Variants in NTRK3 observed in about 807,000 individuals in gnomAD.
NTRK3 encodes neurotrophic receptor tyrosine kinase 3.
In NTRK3, 24 loss-of-function variants were observed where a neutral mutation model predicts 91.7. The ratio of observed to expected loss-of-function variants is 0.26; its 90% CI spans 0.19 to 0.37. NTRK3 has a LOEUF of 0.37. NTRK3 is among the 10% of genes least tolerant of loss of function. The pLI, the probability that NTRK3 is intolerant of heterozygous loss-of-function variation, is 1.00. For synonymous variants in NTRK3, 483 were observed against 404.0 expected (o/e 1.20, Z -2.34); for missense variants, 880 against 1,068.9 (o/e 0.82, Z 2.46).
intron 3 of NTRK3, among the ~76,000 whole-genome samples, chr15:88,208,613 C>A (rs1037617587): frequency 6.6e-6 from 1 of 152,144 alleles, no homozygotes; most frequent in East Asian, 1.9e-4. Context: ...AAGAGTGTGC[C>A]TGCACAATGC....
intron 10 of NTRK3, among the ~76,000 whole-genome samples, chr15:88,129,304 T>C (rs1226902567): frequency 2.0e-5 from 3 of 152,226 alleles, no homozygotes; most frequent in South Asian, 2.1e-4. Flanking sequence ...CTAATCCTTA[T>C]TGCACATTGA....
intron 14 of NTRK3, among the ~76,000 whole-genome samples, chr15:87,959,966 T>C (rs1216627874): frequency 1.3e-5 from 2 of 152,248 alleles, no homozygotes; most frequent in African/African-American, 2.4e-5. Context: ...GGTTGCCTGC[T>C]GCCTTTCCCC....
At chr15:87,998,444 G>T (rs1254186221) in intron 14 of NTRK3, among the ~76,000 whole-genome samples, 8 of 152,254 alleles carry the variant, frequency 5.3e-5, no homozygotes, top group African/African-American at 1.9e-4. Flanking sequence ...GTGTTATGGG[G>T]CAGTGGCGAT....
At chr15:88,208,583 T>C (rs1393212381) in intron 3 of NTRK3, among the ~76,000 whole-genome samples, 2 of 152,130 alleles carry the variant, frequency 1.3e-5, no homozygotes, top group Non-Finnish European at 2.9e-5. Context: ...TGCTAGTCCA[T>C]AGAACACACT....
chr15:87,901,940 A>T (rs1047051585), intron 17 of NTRK3, among the ~76,000 whole-genome samples: 14 of 152,214 alleles, frequency 9.2e-5, no homozygotes, highest in Admixed American at 3.3e-4. Context: ...ATTCTAAATT[A>T]AAAAAAGACT....
chr15:88,147,624 G>A (rs1179212181), intron 5 of NTRK3, among the ~76,000 whole-genome samples: 2 of 151,794 alleles, frequency 1.3e-5, no homozygotes, highest in African/African-American at 4.8e-5. Context: ...GGCTTTTGAG[G>A]CCTTTTAAAG....
In NTRK3 at chr15:88,241,643, C is replaced by T. The variant is rs557056049; in HGVS notation, c.248+14263G>A. Among the ~76,000 whole-genome samples, 2 of 152,208 alleles carry T rather than the reference C, an allele frequency of 1.3e-5. No homozygotes were observed. Among genetic ancestry groups the T allele is most frequent in the South Asian group, 2.1e-4 (1 of 4,810 alleles). ...CAGAATGCCAGCTGGGTGCTGGGAG[C>T]AGGAAGCGGGGCTACCCTTCAATAC... On this transcript the variant is annotated intron_variant, in intron 3 of 18. Coordinates refer to ENST00000394480, the Ensembl canonical transcript of NTRK3. The surrounding 1 kb of genome is among the most constrained non-coding windows in gnomAD (Gnocchi z 4.3).
chr15:88,239,992 C>T (rs1479461916), intron 3 of NTRK3, among the ~76,000 whole-genome samples: 1 of 151,962 alleles, frequency 6.6e-6, no homozygotes, highest in Admixed American at 6.6e-5. Flanking sequence ...CACGCCAAAG[C>T]TTAATAACTC....
At chr15:87,976,127 T>C (rs2073692592) in intron 14 of NTRK3, among the ~76,000 whole-genome samples, 2 of 152,056 alleles carry the variant, frequency 1.3e-5, no homozygotes, top group Non-Finnish European at 2.9e-5. Context: ...AAAATGAAAG[T>C]TCTCCCTCGA....
intron 15 of NTRK3, among the ~76,000 whole-genome samples, chr15:87,934,543 T>C (rs1362430137): frequency 6.6e-6 from 1 of 152,156 alleles, no homozygotes; most frequent in African/African-American, 2.4e-5. Context: ...AGGGCTTCCT[T>C]GGTTCTAGAA....
At chr15:87,875,596 C>G (rs559545013) in exon 19 of NTRK3, 1 of 232,556 alleles carries the variant, frequency 4.3e-6, no homozygotes, top group Non-Finnish European at 8.5e-6. Context: ...TCAGCCCCTG[C>G]GTTTTCACAA....
chr15:88,130,801 T>C (rs190042479), intron 10 of NTRK3, among the ~76,000 whole-genome samples: 2 of 152,342 alleles, frequency 1.3e-5, no homozygotes, highest in African/African-American at 4.8e-5. Flanking sequence ...ACGCAGTGTG[T>C]AATTCTGAAT....
intron 13 of NTRK3, among the ~76,000 whole-genome samples, chr15:88,055,676 A>C (rs151107236): frequency 2.4e-3 from 362 of 152,242 alleles, no homozygotes; most frequent in African/African-American, 7.8e-3. Context: ...GAATTGCCCA[A>C]GTTCACTCAA....
At chr15:88,086,597 CTA>C in intron 13 of NTRK3, among the ~76,000 whole-genome samples, 1 of 152,262 alleles carries the variant, frequency 6.6e-6, no homozygotes, top group African/African-American at 2.4e-5. Flanking sequence ...GTGCCAGACT[CTA>C]GACCTAAATT....
intron 13 of NTRK3, among the ~76,000 whole-genome samples, chr15:88,069,228 C>G (rs188146309): frequency 2.4e-4 from 36 of 152,244 alleles, no homozygotes; most frequent in African/African-American, 8.2e-4. Flanking sequence ...TTCCTCTTGC[C>G]TTCTCAATCC....
chr15:88,060,820 T>C (rs191457385), intron 13 of NTRK3, among the ~76,000 whole-genome samples: 1 of 152,172 alleles, frequency 6.6e-6, no homozygotes, highest in East Asian at 1.9e-4. Context: ...GTGTAAGAAG[T>C]TATTTTTGCT....
intron 14 of NTRK3, among the ~76,000 whole-genome samples, chr15:88,009,152 T>A (rs116247192): frequency 0.019 from 2,863 of 152,330 alleles, 87 homozygotes; most frequent in African/African-American, 0.065. Flanking sequence ...CAGTGACATA[T>A]CAGGGACATT....
intron 14 of NTRK3, among the ~76,000 whole-genome samples, chr15:87,952,371 A>C (rs939639611): frequency 8.5e-5 from 13 of 152,292 alleles, no homozygotes; most frequent in African/African-American, 3.1e-4. Context: ...CGTGCCCCCC[A>C]TGAAAGGGCT....
intron 5 of NTRK3, among the ~76,000 whole-genome samples, chr15:88,175,064 T>G (rs2045873513): frequency 6.6e-6 from 1 of 152,238 alleles, no homozygotes; most frequent in Non-Finnish European, 1.5e-5. Flanking sequence ...GGTAATAGAT[T>G]AGACACCAAG....
Sources: gnomAD v4.1 joint callset for allele counts (sites outside exome capture counted in the v4.1 genomes callset) on GRCh38, gnomAD v4.1.1 for gene constraint, Gnocchi (gnomAD v3.1) non-coding constraint, MANE v1.5 for transcripts, NCBI Gene and HGNC (gene_info 2026-07-23, HGNC 2026-07-21) for gene names.